CDK5RAP2: variants seen among roughly 807,000 people sequenced by gnomAD.
CDK5RAP2 encodes CDK5 regulatory subunit associated protein 2, also known as CDK5 regulatory subunit-associated protein 2.
Under a neutral mutation model 232.9 loss-of-function variants are expected in CDK5RAP2, and 147 were observed. The ratio of observed to expected loss-of-function variants is 0.63; its 90% confidence interval spans 0.55 to 0.72. The LOEUF is 0.72. Ranked by LOEUF, CDK5RAP2 falls within the 30% of genes least tolerant of loss-of-function variation. The pLI is 0.00. For missense variants in CDK5RAP2, 2,195 were observed against 2,231.5 expected, an observed-to-expected ratio of 0.98 and a Z score of 0.33; for synonymous variants, 833 against 833.7, an observed-to-expected ratio of 1.00 and a Z score of 0.01.
At chr9:120,457,292 C>G (rs1487011662) in intron 20 of CDK5RAP2, among the ~76,000 whole-genome samples, 1 of 152,166 alleles carries the variant, frequency 6.6e-6, no homozygotes, top group Non-Finnish European at 1.5e-5. Flanking sequence ...CCTGACCGCC[C>G]AGTTCACCAC....
At chr9:120,485,886 C>T (rs1445776576) in intron 14 of CDK5RAP2, among the ~76,000 whole-genome samples, 1 of 152,200 alleles carries the variant, frequency 6.6e-6, no homozygotes, top group Non-Finnish European at 1.5e-5. Context: ...ATTGCTGGCC[C>T]AGCCCAAGGG....
intron 16 of CDK5RAP2, among the ~76,000 whole-genome samples, chr9:120,471,249 T>C (rs564899843): frequency 3.8e-4 from 58 of 152,320 alleles, no homozygotes; most frequent in African/African-American, 1.3e-3. Context: ...AATCTTAATA[T>C]TACTGTGATG....
In CDK5RAP2 at chr9:120,453,457, C is replaced by T. The variant is rs373118539; in HGVS notation, c.2792G>A (p.Arg931Lys). The part of the protein sequence containing the change: ...ALLSLPGITN[R>K]EAKKSRLPIL... ...TAATTATTACATGGAAAAACTTACTCTGTTGGTAATACCAGGGAGGGAAAG... is the reference window on the plus strand; with the variant it reads ...TAATTATTACATGGAAAAACTTACTTTGTTGGTAATACCAGGGAGGGAAAG... The change falls in exon 21 of 38, where the codon AGA (arginine) becomes AAA (lysine). Residue 931 changes from arginine to lysine, a missense_variant and splice_region_variant. Coordinates refer to ENST00000349780, the MANE Select transcript of CDK5RAP2 (RefSeq NM_018249.6). 2.7e-5 allele frequency: 43 copies of T among 1,606,792 alleles called. No homozygotes were observed. In the East Asian group the frequency reaches 8.7e-4, roughly 33 times the overall value.
chr9:120,503,939 T>A (rs1250233392), intron 12 of CDK5RAP2, among the ~76,000 whole-genome samples: 3 of 152,052 alleles, frequency 2.0e-5, no homozygotes, highest in African/African-American at 7.2e-5. Context: ...CCTTAAGGTG[T>A]GGCACGCCCT....
At chr9:120,413,962 A>G (rs2034046632) in intron 28 of CDK5RAP2, among the ~76,000 whole-genome samples, 1 of 152,194 alleles carries the variant, frequency 6.6e-6, no homozygotes, top group African/African-American at 2.4e-5. Context: ...CTAGAGAAGA[A>G]TGAGACCTGG....
In CDK5RAP2 at chr9:120,463,230, G is replaced by A. The variant is rs954202109; in HGVS notation, c.2107-2563C>T. ...ACTAAAAATTAAAAAAATTAGCTGG[G>A]CATGGTGGCGGGCGCCTGTAGTCCC... On this transcript the variant is annotated intron_variant, in intron 18 of 37. Transcript: ENST00000349780. 2.6e-5 allele frequency among the ~76,000 whole-genome samples: 4 copies of A among 152,212 alleles called. No individual in the cohort carries two copies. The East Asian group carries it at 7.7e-4, about 29-fold the overall frequency.
chr9:120,422,976 C>T (rs182952449), intron 25 of CDK5RAP2, among the ~76,000 whole-genome samples: 2 of 152,312 alleles, frequency 1.3e-5, no homozygotes, highest in African/African-American at 4.8e-5. Context: ...AAAGCAATCA[C>T]AAGGTATTGC....
At chr9:120,482,626 C>CA (rs1487301137) in intron 14 of CDK5RAP2, among the ~76,000 whole-genome samples, 1 of 152,216 alleles carries the variant, frequency 6.6e-6, no homozygotes, top group Non-Finnish European at 1.5e-5. Flanking sequence ...GCTGGCGTGT[C>CA]AGCCACCTGT....
intron 18 of CDK5RAP2, among the ~76,000 whole-genome samples, chr9:120,466,538 A>T (rs2037388552): frequency 6.6e-6 from 1 of 152,056 alleles, no homozygotes; most frequent in Middle Eastern, 3.2e-3. Flanking sequence ...ATAATGAGAC[A>T]TTTAACAGAT....
intron 5 of CDK5RAP2, among the ~76,000 whole-genome samples, chr9:120,540,214 T>C (rs754272670): frequency 7.9e-5 from 12 of 152,340 alleles, no homozygotes; most frequent in South Asian, 2.1e-4. Flanking sequence ...GACATGACTC[T>C]GTAAGACTGT....
intron 16 of CDK5RAP2, among the ~76,000 whole-genome samples, chr9:120,470,493 T>C (rs1304346372): frequency 6.6e-6 from 1 of 152,232 alleles, no homozygotes; most frequent in Admixed American, 6.5e-5. Flanking sequence ...ATAATTTGCA[T>C]ATCAAGTATT....
At chr9:120,460,386 GCT>G (rs1012356090) in intron 19 of CDK5RAP2, among the ~76,000 whole-genome samples, 184 bp downstream of exon 19, 2 of 152,112 alleles carry the variant, frequency 1.3e-5, no homozygotes, top group African/African-American at 4.8e-5. Context: ...TTCATGACTG[GCT>G]CTGTCACCCA....
rs774017789 is a variant in CDK5RAP2 at position 120,419,871 on chromosome 9, G to C, written c.4094C>G (p.Ser1365Cys). The C allele has an allele frequency of 5.6e-6, 9 of 1,613,416 alleles. No homozygotes were observed. Among genetic ancestry groups the C allele is most frequent in the Non-Finnish European group, 7.6e-6 (9 of 1,179,432 alleles). The change falls in exon 27 of 38, where the codon TCT becomes TGT. Residue 1365 changes from serine to cysteine, a missense_variant. Physicochemically the swap from Ser to Cys is moderately radical, Grantham distance 112. Transcript: ENST00000349780. ...ASHALSDYET[S>C]EKSFFSRDQK... ...GTCTCGTGAGAAGAAGGACTTTTCA[G>C]ATGTTTCATAATCAGAGAGCGCATG...
rs1290217367 is a variant in CDK5RAP2, at chr9:120,580,167, C to G, written c.-189G>C. ...TTCCCGGCGCTTCTTCCTACGGAAA[C>G]GAGGCGGGGTCACGGAGGCGCACGC... On this transcript the variant is annotated 5_prime_UTR_variant, in exon 1 of 38. Transcript: ENST00000349780. 1.7e-6 allele frequency: 1 copy of G among 574,924 alleles called. No homozygotes were observed. The highest frequency in any genetic ancestry group is 3.1e-6 in the Non-Finnish European group (1 of 319,738). The allele number at this position is 574,924 out of a possible 1,614,324, so 35.6% of individuals were successfully genotyped here. A position where few individuals can be genotyped will look rare whatever the true frequency, so the allele number is the denominator to read the frequency against.
chr9:120,500,766 T>C (rs1250553331), intron 12 of CDK5RAP2, among the ~76,000 whole-genome samples: 2 of 152,206 alleles, frequency 1.3e-5, no homozygotes, highest in Non-Finnish European at 2.9e-5. Context: ...ACCATACTAA[T>C]GCCATTAGAG....
At chr9:120,550,725 C>A (rs2042012404) in intron 4 of CDK5RAP2, 67 bp downstream of exon 4, 2 of 925,964 alleles carry the variant, frequency 2.2e-6, no homozygotes, top group South Asian at 2.6e-5. Flanking sequence ...AAATATTAAT[C>A]AAATTTCTGC....
chr9:120,579,574 C>A (rs1306950503), intron 1 of CDK5RAP2, among the ~76,000 whole-genome samples: 1 of 152,188 alleles, frequency 6.6e-6, no homozygotes, highest in Non-Finnish European at 1.5e-5. Flanking sequence ...CAGAAGGAAC[C>A]ATCAGGTGCC....
chr9:120,531,934 T>C (rs1214922595), intron 7 of CDK5RAP2, among the ~76,000 whole-genome samples: 1 of 152,054 alleles, frequency 6.6e-6, no homozygotes, highest in Non-Finnish European at 1.5e-5. Context: ...ATGGGAGAGG[T>C]AGTCACCGAA....
intron 17 of CDK5RAP2, 114 bp from the exon 18 acceptor site, chr9:120,468,111 A>C: frequency 9.9e-7 from 1 of 1,005,888 alleles, no homozygotes; most frequent in Non-Finnish European, 1.5e-6. Flanking sequence ...AGTTACGGGG[A>C]ATCAGGCTGA....
Sources: gnomAD v4.1 joint callset for allele counts (sites outside exome capture counted in the v4.1 genomes callset) on GRCh38, gnomAD v4.1.1 for gene constraint, MANE v1.5 for transcripts, NCBI Gene and HGNC (gene_info 2026-07-23, HGNC 2026-07-21) for gene names.